The following GRID2 variants were observed in gnomAD, a reference collection of about 807,000 sequenced individuals.
GRID2 encodes the protein glutamate receptor ionotropic, delta-2.
Under a neutral mutation model 114.8 loss-of-function variants are expected in GRID2, and 33 were observed. The observed-to-expected ratio is 0.29, with a 90% confidence interval of 0.22 to 0.38. GRID2 has a LOEUF of 0.38. Among genes scored for constraint, GRID2 ranks in the 10% least tolerant of loss-of-function variants. The probability of loss-of-function intolerance (pLI) is 1.00; values close to 1 mark genes in which losing one functional copy is unlikely to be tolerated. For missense variants in GRID2, 1,184 were observed against 1,257.7 expected (o/e 0.94, Z 0.89); for synonymous variants, 505 against 449.9 (o/e 1.12, Z -1.55).
chr4:92,761,908 A>G (rs1738027659), intron 2 of GRID2, among the ~76,000 whole-genome samples: 1 of 152,116 alleles, frequency 6.6e-6, no homozygotes, highest in African/African-American at 2.4e-5. Flanking sequence ...TCTATATAAT[A>G]TGTGTTAAGT....
intron 2 of GRID2, among the ~76,000 whole-genome samples, chr4:92,756,647 G>T (rs1257939939): frequency 2.0e-5 from 3 of 152,018 alleles, no homozygotes; most frequent in Admixed American, 1.3e-4. Context: ...GGGGTAAGAT[G>T]ATATTTTATT....
chr4:93,584,937 C>G (rs919472882), intron 13 of GRID2, among the ~76,000 whole-genome samples: 1 of 152,024 alleles, frequency 6.6e-6, no homozygotes, highest in African/African-American at 2.4e-5. Context: ...GGAGCATTGT[C>G]GTGGTGGAGA....
chr4:92,951,589 A>G (rs1054576334), intron 2 of GRID2, among the ~76,000 whole-genome samples: 1 of 151,984 alleles, frequency 6.6e-6, no homozygotes, highest in African/African-American at 2.4e-5. Flanking sequence ...TTAGCCTCCC[A>G]AAGTGTGTGA....
intron 8 of GRID2, among the ~76,000 whole-genome samples, chr4:93,332,727 C>T (rs1758628710): frequency 6.6e-6 from 1 of 152,080 alleles, no homozygotes; most frequent in Non-Finnish European, 1.5e-5. Context: ...ACTCTTTCCA[C>T]ACCATCCTTT....
chr4:93,292,144 T>C (rs773424943), intron 8 of GRID2, among the ~76,000 whole-genome samples: 6 of 152,182 alleles, frequency 3.9e-5, no homozygotes, highest in South Asian at 2.1e-4. Flanking sequence ...GAGGACAAAT[T>C]TGAATGAAAC....
At position 93,412,233 on chromosome 4, in the gene GRID2, C is replaced by G. The variant is rs528349171; in HGVS notation, c.1348-10538C>G. ...TGGGCAGCATAGTAAGACCCATCCC[C>G]CCCCCCCAAAAAAAAATACCAGGCA... On this transcript the variant is annotated intron_variant, in intron 9 of 15. Transcript: ENST00000282020. Among the ~76,000 whole-genome samples, 48 of 150,746 alleles carry G rather than the reference C, an allele frequency of 3.2e-4. 1 individual carries two copies. The highest frequency in any genetic ancestry group is 1.1e-3 in the African/African-American group (46 of 41,110).
At chr4:93,094,991 CTA>C (rs980649033) in intron 3 of GRID2, among the ~76,000 whole-genome samples, 1 of 151,084 alleles carries the variant, frequency 6.6e-6, no homozygotes, top group African/African-American at 2.4e-5. Flanking sequence ...CAAAATAAGA[CTA>C]TATTAAACAC....
At chr4:92,420,208 G>A (rs1250422780) in intron 1 of GRID2, among the ~76,000 whole-genome samples, 2 of 152,074 alleles carry the variant, frequency 1.3e-5, no homozygotes, top group African/African-American at 4.8e-5. Context: ...TAGAGAGCAT[G>A]TATAATACTA....
intron 14 of GRID2, among the ~76,000 whole-genome samples, chr4:93,759,885 G>A (rs1174686604): frequency 1.3e-5 from 2 of 152,130 alleles, no homozygotes; most frequent in Non-Finnish European, 2.9e-5. Flanking sequence ...AAATAAAGAG[G>A]TGCTTCCATT....
At chr4:92,449,710 TAA>T (rs1560638642) in intron 1 of GRID2, among the ~76,000 whole-genome samples, 1 of 131,720 alleles carries the variant, frequency 7.6e-6, no homozygotes, top group South Asian at 2.3e-4. Context: ...TATATATATA[TAA>T]CACTTAAGCC....
intron 1 of GRID2, among the ~76,000 whole-genome samples, chr4:92,438,392 A>G (rs1258006035): frequency 6.6e-6 from 1 of 151,962 alleles, no homozygotes; most frequent in Admixed American, 6.6e-5. Flanking sequence ...ATCTTATCGC[A>G]TATTTTTTTT....
At chr4:93,748,226 T>G (rs1370901953) in intron 14 of GRID2, among the ~76,000 whole-genome samples, 1 of 152,144 alleles carries the variant, frequency 6.6e-6, no homozygotes, top group Non-Finnish European at 1.5e-5. Flanking sequence ...GGTCGATATC[T>G]CAAGTAAGCC....
At chr4:93,054,974 G>C (rs1314775759) in intron 2 of GRID2, among the ~76,000 whole-genome samples, 2 of 151,642 alleles carry the variant, frequency 1.3e-5, no homozygotes, top group Non-Finnish European at 2.9e-5. Flanking sequence ...CACACATGGG[G>C]ACAAGTACTA....
chr4:93,084,719 C>G lies in GRID2; in HGVS notation c.245-276C>G, dbSNP rs77068042. 0.049 allele frequency among the ~76,000 whole-genome samples: 7,497 copies of G among 152,188 alleles called. 296 individuals are homozygous for G. Among genetic ancestry groups the G allele is most frequent in the East Asian group, 0.2 (1,010 of 5,156 alleles). On this transcript the variant is annotated intron_variant, in intron 2 of 15. Coordinates refer to ENST00000282020, the MANE Select transcript of GRID2 (RefSeq NM_001510.4). Reference sequence around the variant, plus strand: ...TTCTCTAATCCTTGCAATAATCCTGCGAGATTCATGCTATTTTACCCTCTT... The same window carrying G: ...TTCTCTAATCCTTGCAATAATCCTGGGAGATTCATGCTATTTTACCCTCTT...
intron 8 of GRID2, among the ~76,000 whole-genome samples, chr4:93,348,452 A>G (rs1254182609): frequency 1.3e-5 from 2 of 152,212 alleles, no homozygotes; most frequent in African/African-American, 4.8e-5. Flanking sequence ...AATAAAATGA[A>G]TAATTTATAG....
At position 92,688,037 on chromosome 4, in the gene GRID2, C is replaced by CCTTTTTTTTTTTTT. The variant is rs1553916864; in HGVS notation, c.244+97751_244+97752insCTTTTTTTTTTTTT. ...GCCACATTGGTTGACCCTTCTTCTTCTTTTTTTTTTTTTTTTTTTTTTTTT... is the reference window on the plus strand; with the variant it reads ...GCCACATTGGTTGACCCTTCTTCTTCCTTTTTTTTTTTTTTTTTTTTTTTTTTTTTTTTTTTTTT... On this transcript the variant is annotated intron_variant, in intron 2 of 15. Coordinates refer to ENST00000282020, the MANE Select transcript of GRID2 (RefSeq NM_001510.4). 3.8e-3 allele frequency among the ~76,000 whole-genome samples: 170 copies of CCTTTTTTTTTTTTT among 44,662 alleles called. 11 individuals are homozygous for CCTTTTTTTTTTTTT. Among genetic ancestry groups the CCTTTTTTTTTTTTT allele is most frequent in the East Asian group, 0.012 (22 of 1,890 alleles). The allele number at this position is 44,662 out of a possible 152,430, so 29.3% of individuals were successfully genotyped here.
At chr4:92,807,939 C>A (rs1283885537) in intron 2 of GRID2, among the ~76,000 whole-genome samples, 1 of 151,924 alleles carries the variant, frequency 6.6e-6, no homozygotes, top group Non-Finnish European at 1.5e-5. Flanking sequence ...TCCCCAAAAC[C>A]TGTGAACATA....
At chr4:92,421,638 C>T (rs1021046992) in intron 1 of GRID2, among the ~76,000 whole-genome samples, 2 of 152,116 alleles carry the variant, frequency 1.3e-5, no homozygotes, top group Non-Finnish European at 2.9e-5. Context: ...AAGAATTAGA[C>T]ACAAAGCAGA....
At chr4:93,695,772 C>T (rs150657967) in intron 14 of GRID2, among the ~76,000 whole-genome samples, 2 of 152,182 alleles carry the variant, frequency 1.3e-5, no homozygotes, top group Non-Finnish European at 2.9e-5. Flanking sequence ...ATTTTCTTAG[C>T]CATGTGGCTT....
Sources: allele counts gnomAD v4.1 joint callset (sites outside exome capture counted in the v4.1 genomes callset), GRCh38; gene constraint gnomAD v4.1.1; transcripts MANE v1.5; gene names NCBI Gene and HGNC (gene_info 2026-07-23, HGNC 2026-07-21).